Variants in NDE1 observed in about 807,000 individuals in gnomAD.
NDE1 encodes the protein nuclear distribution protein nudE homolog 1.
Under a neutral mutation model 43.4 loss-of-function variants are expected in NDE1, and 28 were observed. The observed-to-expected ratio is 0.65, with a 90% CI of 0.48 to 0.89. The LOEUF (loss-of-function observed/expected upper bound fraction) is 0.89. Among genes scored for constraint, NDE1 ranks in the 40% least tolerant of loss-of-function variants. The pLI, the probability that NDE1 is intolerant of heterozygous loss-of-function variation, is 0.00. For synonymous variants in NDE1, 184 were observed against 172.0 expected (o/e 1.07, Z -0.55); for missense variants, 441 against 434.1 (o/e 1.02, Z -0.14).
chr16:15,671,665 A>G (rs1567632091), intron 3 of NDE1, among the ~76,000 whole-genome samples: 1 of 152,104 alleles, frequency 6.6e-6, no homozygotes, highest in Non-Finnish European at 1.5e-5. Flanking sequence ...ACACACAATG[A>G]GCAATGATTA....
intron 8 of NDE1, among the ~76,000 whole-genome samples, chr16:15,702,611 G>A (rs992458977): frequency 2.0e-5 from 3 of 150,730 alleles, no homozygotes; most frequent in African/African-American, 4.9e-5. Context: ...GGTCTCTCTC[G>A]GCTAGGCTGG....
rs1379238925 is a variant in NDE1 at position 15,717,245 on chromosome 16, T to G, written c.948-6946T>G. 1 of 1,614,164 alleles carries G rather than the reference T, an allele frequency of 6.2e-7. No individual in the cohort carries two copies. The highest frequency in any genetic ancestry group is 8.5e-7 in the Non-Finnish European group (1 of 1,180,038). On this transcript the variant is annotated intron_variant, in intron 8 of 8. Transcript: ENST00000396354. The stretch of plus-strand genomic sequence containing the variant: ...GACGGCCCCCTCCATCTCGTGGAGC[T>G]TGCTCCGGAGCTCCTTGTTCTGCCG...
chr16:15,682,255 G>A (rs971028644), intron 4 of NDE1, among the ~76,000 whole-genome samples: 5 of 152,040 alleles, frequency 3.3e-5, no homozygotes, highest in Admixed American at 6.6e-5. Flanking sequence ...GCAGTGGCAC[G>A]ATCACTTCAG....
intron 3 of NDE1, among the ~76,000 whole-genome samples, chr16:15,668,723 G>A (rs1235193968): frequency 2.6e-5 from 4 of 152,196 alleles, no homozygotes; most frequent in Non-Finnish European, 5.9e-5. Context: ...GGAGCCACGT[G>A]TGGCCAGTGA....
At chr16:15,661,105 C>T (rs951574185) in intron 1 of NDE1, among the ~76,000 whole-genome samples, 2 of 151,778 alleles carry the variant, frequency 1.3e-5, no homozygotes, top group African/African-American at 4.8e-5. Flanking sequence ...ATGTCTGAGA[C>T]TGGGTTTGTT....
At chr16:15,646,476 G>C (rs2036331289), upstream of NDE1, among the ~76,000 whole-genome samples, 1 of 152,076 alleles carries the variant, frequency 6.6e-6, no homozygotes, top group South Asian at 2.1e-4. Context: ...AGCTACTCAG[G>C]AATCTGAGGC....
intron 4 of NDE1, among the ~76,000 whole-genome samples, chr16:15,682,943 C>T (rs893650026): frequency 5.9e-5 from 9 of 151,990 alleles, no homozygotes; most frequent in Non-Finnish European, 1.2e-4. Context: ...TGACCTCAAG[C>T]GATCCACCAC....
At chr16:15,699,329 G>A (rs1391028912) in intron 8 of NDE1, among the ~76,000 whole-genome samples, 3 of 143,120 alleles carry the variant, frequency 2.1e-5, no homozygotes, top group Non-Finnish European at 3.1e-5. Flanking sequence ...GTGTGATCTC[G>A]GCTCACTGCA....
At chr16:15,644,406 G>T (rs2036256141) in intron 1 of NDE1, among the ~76,000 whole-genome samples, 1 of 152,172 alleles carries the variant, frequency 6.6e-6, no homozygotes, top group Non-Finnish European at 1.5e-5. Flanking sequence ...AATCCTTTGT[G>T]CCTGTATTTA....
chr16:15,645,341 T>C (rs1283566231), upstream of NDE1, among the ~76,000 whole-genome samples: 2 of 152,082 alleles, frequency 1.3e-5, no homozygotes, highest in African/African-American at 4.8e-5. Flanking sequence ...ATGTAGTGAT[T>C]GAAAATGGGC....
chr16:15,682,397 T>C (rs2038228377), intron 4 of NDE1, among the ~76,000 whole-genome samples: 1 of 152,210 alleles, frequency 6.6e-6, no homozygotes, highest in Non-Finnish European at 1.5e-5. Flanking sequence ...AATGTTACAA[T>C]TTTGTGCAAG....
At chr16:15,647,569 A>G (rs530907014), upstream of NDE1, among the ~76,000 whole-genome samples, 5 of 152,238 alleles carry the variant, frequency 3.3e-5, no homozygotes, top group African/African-American at 9.6e-5. Context: ...AGCCCGTTGT[A>G]TCAAATGGGC....
intron 8 of NDE1, chr16:15,703,913 G>T: frequency 1.3e-6 from 2 of 1,594,474 alleles, no homozygotes; most frequent in South Asian, 1.1e-5. Flanking sequence ...CTTTGTTCTG[G>T]GTTGTTGTTG....
intron 8 of NDE1, chr16:15,708,988 G>T: frequency 2.2e-6 from 2 of 891,534 alleles, no homozygotes; most frequent in Non-Finnish European, 3.6e-6. Context: ...TGTCACCCAG[G>T]CTGGAGTGCA....
At position 15,719,664 on chromosome 16, in the gene NDE1, C is replaced by T. The variant is rs890481446; in HGVS notation, c.948-4527C>T. The T allele has an allele frequency of 2.5e-6, 4 of 1,614,104 alleles. No individual in the cohort carries two copies. The highest frequency in any genetic ancestry group is 3.4e-6 in the Non-Finnish European group (4 of 1,180,050). On this transcript the variant is annotated intron_variant, in intron 8 of 8. Coordinates refer to ENST00000396354, the MANE Select transcript of NDE1 (RefSeq NM_017668.3). ...TTTGGCTGTGGCAAAGATCTCATCT[C>T]TGGAGGCACGGGCATCTTCCAGCTC...
intron 1 of NDE1, among the ~76,000 whole-genome samples, chr16:15,659,292 A>G (rs1248535018): frequency 1.1e-5 from 1 of 92,586 alleles, no homozygotes; most frequent in Non-Finnish European, 2.0e-5. Flanking sequence ...TAATGATTTC[A>G]TGTTTTAACC....
At chr16:15,684,789 T>C (rs2038351992) in intron 4 of NDE1, among the ~76,000 whole-genome samples, 1 of 152,206 alleles carries the variant, frequency 6.6e-6, no homozygotes, top group Non-Finnish European at 1.5e-5. Context: ...ACCAATGATC[T>C]GTGATGCCAC....
intron 4 of NDE1, among the ~76,000 whole-genome samples, chr16:15,685,254 TTTTTTG>T (rs1173723142): frequency 2.0e-5 from 3 of 152,100 alleles, no homozygotes; most frequent in Non-Finnish European, 4.4e-5. Context: ...TAGTAGTGTG[TTTTTTG>T]TTTTTGTTTT....
intron 8 of NDE1, chr16:15,701,693 G>C (rs144953026): frequency 2.0e-5 from 3 of 152,306 alleles, no homozygotes; most frequent in South Asian, 2.1e-4. Flanking sequence ...CTAATTTCTG[G>C]AGTGTGCCTG....
Sources: allele counts gnomAD v4.1 joint callset (sites outside exome capture counted in the v4.1 genomes callset), GRCh38; gene constraint gnomAD v4.1.1; transcripts MANE v1.5; gene names NCBI Gene and HGNC (gene_info 2026-07-23, HGNC 2026-07-21).